FGF12: variants seen among roughly 807,000 people sequenced by gnomAD.
The protein encoded by FGF12 is fibroblast growth factor 12B.
Under a neutral mutation model 23.6 loss-of-function variants are expected in FGF12, and 14 were observed. The observed-to-expected ratio is 0.59, with a 90% confidence interval of 0.39 to 0.93. FGF12 has a LOEUF of 0.93. FGF12 is among the 40% of genes least tolerant of loss of function. The pLI, the probability that FGF12 is intolerant of heterozygous loss-of-function variation, is 0.00. For missense variants in FGF12, 175 were observed against 217.8 expected (o/e 0.80, Z 1.24); for synonymous variants, 62 against 77.3 (o/e 0.80, Z 1.04).
intron 2 of FGF12, among the ~76,000 whole-genome samples, chr3:192,513,314 T>C (rs150592377): frequency 2.6e-5 from 4 of 152,262 alleles, no homozygotes; most frequent in East Asian, 1.9e-4. Flanking sequence ...CTTACAAATA[T>C]AATGGCAAAA....
intron 2 of FGF12, among the ~76,000 whole-genome samples, chr3:192,662,761 T>A (rs2108685683): frequency 6.6e-6 from 1 of 152,340 alleles, no homozygotes; most frequent in East Asian, 1.9e-4. Context: ...TTTTCCCTTA[T>A]TTCATTTTGA....
rs79537931 is a variant in FGF12 at position 192,545,695 on chromosome 3, T to A, written c.13+181486A>T. On this transcript the variant is annotated intron_variant, in intron 2 of 5. Transcript: ENST00000445105. Reference sequence around the variant, plus strand: ...TTCTTTTATGGATAAAATATTGTAATTCTTCAGCGTGGTAGATGCTGGTAC... The same window carrying A: ...TTCTTTTATGGATAAAATATTGTAAATCTTCAGCGTGGTAGATGCTGGTAC... Among the ~76,000 whole-genome samples, 371 of 152,360 alleles carry A rather than the reference T, an allele frequency of 2.4e-3. 1 individual carries two copies. The highest frequency in any genetic ancestry group is 4.0e-3 in the Non-Finnish European group (275 of 68,028).
chr3:192,670,821 G>C (rs1717085155), intron 2 of FGF12, among the ~76,000 whole-genome samples: 1 of 152,174 alleles, frequency 6.6e-6, no homozygotes, highest in South Asian at 2.1e-4. Flanking sequence ...GGGACCCGAA[G>C]GATAGTTTGA....
chr3:192,329,782 A>G (rs1490708163), intron 4 of FGF12, among the ~76,000 whole-genome samples: 1 of 152,212 alleles, frequency 6.6e-6, no homozygotes, highest in East Asian at 1.9e-4. Context: ...GTTAAACAGC[A>G]AAATTTTTAA....
intron 2 of FGF12, among the ~76,000 whole-genome samples, chr3:192,675,782 G>A (rs2108700713): frequency 6.6e-6 from 1 of 152,282 alleles, no homozygotes; most frequent in Non-Finnish European, 1.5e-5. Flanking sequence ...ATGTTTTCAA[G>A]TCAACAATTC....
chr3:192,230,764 C>T (rs1419680527), intron 4 of FGF12, among the ~76,000 whole-genome samples: 2 of 151,776 alleles, frequency 1.3e-5, no homozygotes, highest in African/African-American at 4.8e-5. Context: ...TAACAGTCTC[C>T]ATGTATAATT....
intron 2 of FGF12, among the ~76,000 whole-genome samples, chr3:192,367,244 C>A (rs1479093286): frequency 2.0e-5 from 3 of 152,142 alleles, no homozygotes; most frequent in Non-Finnish European, 2.9e-5. Flanking sequence ...GAAAATGCAA[C>A]CTTCTTTATA....
At chr3:192,253,078 A>G (rs1310508910) in intron 4 of FGF12, among the ~76,000 whole-genome samples, 2 of 152,282 alleles carry the variant, frequency 1.3e-5, no homozygotes, top group African/African-American at 4.8e-5. Flanking sequence ...TGTATCAAAA[A>G]TCGTTGGATC....
At chr3:192,304,532 T>C (rs1402751933) in intron 4 of FGF12, among the ~76,000 whole-genome samples, 1 of 146,264 alleles carries the variant, frequency 6.8e-6, no homozygotes, top group Non-Finnish European at 1.5e-5. Flanking sequence ...ACCAGGAAAT[T>C]TTTTTAAAGG....
Position 192,239,995 on chromosome 3 carries a change from A to C in FGF12, c.229-69339T>G, listed in dbSNP as rs201285180. 5.9e-5 allele frequency among the ~76,000 whole-genome samples: 9 copies of C among 152,328 alleles called. No homozygotes were observed. The East Asian group carries it at 1.7e-3, about 29-fold the overall frequency. On this transcript the variant is annotated intron_variant, in intron 4 of 5. Coordinates refer to ENST00000445105, the MANE Select transcript of FGF12 (RefSeq NM_004113.6). Reference sequence around the variant, plus strand: ...ATGGGTGCAGGGGGGAAGATCCCAGAAATAATAGTCTTTGAATGAAAGTCC... The same window carrying C: ...ATGGGTGCAGGGGGGAAGATCCCAGCAATAATAGTCTTTGAATGAAAGTCC...
intron 4 of FGF12, among the ~76,000 whole-genome samples, chr3:192,330,026 A>T (rs1717026381): frequency 6.6e-6 from 1 of 152,180 alleles, no homozygotes. Flanking sequence ...TCTAAAAGGC[A>T]CTGTGAGATT....
chr3:192,577,350 C>CT (rs1560156732), intron 2 of FGF12, among the ~76,000 whole-genome samples: 1 of 152,152 alleles, frequency 6.6e-6, no homozygotes, highest in South Asian at 2.1e-4. Flanking sequence ...GAAATAGAAT[C>CT]TTTTTTTAAA....
At chr3:192,198,804 G>T (rs1052236690) in intron 4 of FGF12, among the ~76,000 whole-genome samples, 8 of 152,180 alleles carry the variant, frequency 5.3e-5, no homozygotes, top group African/African-American at 1.9e-4. Context: ...ACATGCTAGT[G>T]TCCACCATCA....
At chr3:192,217,159 C>T (rs1346163320) in intron 4 of FGF12, among the ~76,000 whole-genome samples, 1 of 152,078 alleles carries the variant, frequency 6.6e-6, no homozygotes, top group East Asian at 1.9e-4. Context: ...CCACACAAGG[C>T]CTTAGTTTCC....
intron 4 of FGF12, among the ~76,000 whole-genome samples, chr3:192,194,876 A>C (rs1432753946): frequency 1.3e-5 from 2 of 152,240 alleles, no homozygotes; most frequent in African/African-American, 2.4e-5. Context: ...ATTAAATGTT[A>C]AGGCTTAATT....
chr3:192,210,360 A>T (rs1717865950), intron 4 of FGF12, among the ~76,000 whole-genome samples: 1 of 152,112 alleles, frequency 6.6e-6, no homozygotes, highest in Non-Finnish European at 1.5e-5. Flanking sequence ...AAACTACCCA[A>T]GGCTATGGGA....
intron 2 of FGF12, among the ~76,000 whole-genome samples, chr3:192,450,065 C>T (rs138020645): frequency 1.3e-5 from 2 of 152,248 alleles, no homozygotes; most frequent in East Asian, 3.9e-4. Flanking sequence ...ACAATTGATA[C>T]ACCATCTTTC....
chr3:192,678,010 T>C (rs1717389646), intron 2 of FGF12, among the ~76,000 whole-genome samples: 1 of 152,194 alleles, frequency 6.6e-6, no homozygotes, highest in Non-Finnish European at 1.5e-5. Context: ...TACTCTATCA[T>C]AAGTAAAACA....
chr3:192,217,530 C>A (rs2108569026), intron 4 of FGF12, among the ~76,000 whole-genome samples: 1 of 152,266 alleles, frequency 6.6e-6, no homozygotes. Flanking sequence ...AATAAAAACA[C>A]ATGGAGCTGT....
Sources: gnomAD v4.1 joint callset for allele counts (sites outside exome capture counted in the v4.1 genomes callset) on GRCh38, gnomAD v4.1.1 for gene constraint, MANE v1.5 for transcripts, NCBI Gene and HGNC (gene_info 2026-07-23, HGNC 2026-07-21) for gene names.